The following PIWIL1 variants were observed in gnomAD, a reference collection of about 807,000 sequenced individuals.
PIWIL1 encodes the protein piwi-like protein 1.
In PIWIL1, 73 loss-of-function variants were observed where a neutral mutation model predicts 114.4. That is an observed-to-expected ratio of 0.64 (90% CI 0.53 to 0.78). The LOEUF (loss-of-function observed/expected upper bound fraction) is 0.78, where lower values mean the gene tolerates loss of function less well. Among genes scored for constraint, PIWIL1 ranks in the 30% least tolerant of loss-of-function variants. PIWIL1 has a pLI of 0.00. For synonymous variants in PIWIL1, 375 were observed against 369.0 expected, an observed-to-expected ratio of 1.02 and a Z score of -0.19; for missense variants, 723 against 1,063.1, an observed-to-expected ratio of 0.68 and a Z score of 4.45.
chr12:130,385,662 A>C, the PIWIL1 span, among the ~76,000 whole-genome samples: 1 of 152,324 alleles, frequency 6.6e-6, no homozygotes, highest in South Asian at 2.1e-4. Flanking sequence ...ATAAGAACTT[A>C]TTATTTCAGC....
intron 18 of PIWIL1, among the ~76,000 whole-genome samples, chr12:130,365,820 T>C (rs1446616676): frequency 6.6e-6 from 1 of 152,256 alleles, no homozygotes; most frequent in Non-Finnish European, 1.5e-5. Flanking sequence ...ATGCTGAACT[T>C]AATCTCTGTA....
At chr12:130,424,409 CG>C in the PIWIL1 span, 1 of 1,232,746 alleles carries the variant, frequency 8.1e-7, no homozygotes, top group Non-Finnish European at 1.0e-6. This position sits in a 1 kb window ranked among gnomAD's most constrained non-coding sequence, Gnocchi z 9.8. Context: ...GCAGCGGCCT[CG>C]GGCCCCTCCT....
At chr12:130,421,271 G>A in the PIWIL1 span, among the ~76,000 whole-genome samples, 1 of 152,220 alleles carries the variant, frequency 6.6e-6, no homozygotes, top group African/African-American at 2.4e-5. Flanking sequence ...TAGCTGATCT[G>A]TAATAAGTGC....
At chr12:130,390,359 C>T in the PIWIL1 span, among the ~76,000 whole-genome samples, 1 of 152,176 alleles carries the variant, frequency 6.6e-6, no homozygotes, top group East Asian at 1.9e-4. Flanking sequence ...GTTGTTTGTA[C>T]AGCAGACTGC....
At position 130,371,157 on chromosome 12, in the gene PIWIL1, G is replaced by T; in HGVS notation, c.2322-19G>T. 1 of 1,611,566 alleles carries T rather than the reference G, an allele frequency of 6.2e-7. No individual in the cohort carries two copies. Among genetic ancestry groups the T allele is most frequent in the Non-Finnish European group, 8.5e-7 (1 of 1,177,760 alleles). On this transcript the variant is annotated intron_variant, in intron 19 of 20. Coordinates refer to ENST00000245255, the MANE Select transcript of PIWIL1 (RefSeq NM_004764.5). The stretch of plus-strand genomic sequence containing the variant: ...TAATTTTAGTTTTCAGCACATCCGT[G>T]TGTTTTCTGTAATTCCAGGTATGAC...
chr12:130,392,015 CGTGTGTGCGTCAGTTACCTGGTGA>C, the PIWIL1 span, among the ~76,000 whole-genome samples: 8 of 111,468 alleles, frequency 7.2e-5, no homozygotes, highest in Non-Finnish European at 8.9e-5. Flanking sequence ...ACCGTCATCA[CGTGTGTGCGTCAGTTACCTGGTGA>C]ATATTGAATG....
rs768450619 is a variant in PIWIL1, at chr12:130,348,192, G to A, written c.734+9G>A. 6.7e-7 allele frequency: 1 copy of A among 1,502,670 alleles called. No individual in the cohort carries two copies. Among genetic ancestry groups the A allele is most frequent in the Non-Finnish European group, 9.2e-7 (1 of 1,082,284 alleles). 93.1% of individuals were successfully genotyped at this position (1,502,670 alleles called of 1,614,324 possible). A position where few individuals can be genotyped will look rare whatever the true frequency, so the allele number is the denominator to read the frequency against. On this transcript the variant is annotated intron_variant, in intron 7 of 20. Coordinates refer to ENST00000245255, the MANE Select transcript of PIWIL1 (RefSeq NM_004764.5). ...GATATTCCAAGTCACAGGTTTGTATGAAGTAGAACGTTTAATATTCCTTAG... is the reference window on the plus strand; with the variant it reads ...GATATTCCAAGTCACAGGTTTGTATAAAGTAGAACGTTTAATATTCCTTAG...
chr12:130,422,553 C>T, the PIWIL1 span: 1 of 1,605,104 alleles, frequency 6.2e-7, no homozygotes, highest in East Asian at 2.2e-5. The surrounding 1 kb of genome is among the most constrained non-coding windows in gnomAD (Gnocchi z 5.2). Flanking sequence ...AGGCTGGGTT[C>T]CCTAAAATCT....
In PIWIL1 at chr12:130,338,124, T is replaced by C; in HGVS notation, c.-35T>C. The C allele has an allele frequency of 3.4e-6, 1 of 295,650 alleles. No homozygotes were observed. The highest frequency in any genetic ancestry group is 6.5e-6 in the Non-Finnish European group (1 of 154,300). 18.3% of individuals were successfully genotyped at this position (295,650 alleles called of 1,614,324 possible). ...CGGGCTGAGGTGCAAGGACCAGGAC[T>C]AGGGCGAGGGCAGCGGTCCAAGGTG... On this transcript the variant is annotated 5_prime_UTR_variant, in exon 1 of 21. An upstream open reading frame in the 5' UTR loses its in-frame stop. Transcript: ENST00000245255.
At chr12:130,380,055 ACTTCCCATCCAAGCATTG>A in the PIWIL1 span, among the ~76,000 whole-genome samples, 1 of 103,178 alleles carries the variant, frequency 9.7e-6, no homozygotes, top group Non-Finnish European at 1.8e-5. Context: ...CCCTCATCCC[ACTTCCCATCCAAGCATTG>A]ACAGTTCCTT....
intron 16 of PIWIL1, among the ~76,000 whole-genome samples, chr12:130,362,200 A>T (rs1198440962): frequency 6.6e-6 from 1 of 152,052 alleles, no homozygotes; most frequent in East Asian, 1.9e-4. Context: ...CCCAGTAGTT[A>T]TTTTTTCTGC....
At chr12:130,409,882 TA>T in the PIWIL1 span, among the ~76,000 whole-genome samples, 321 of 152,368 alleles carry the variant, frequency 2.1e-3, no homozygotes, top group Middle Eastern at 0.01. Context: ...TGTGTGAACG[TA>T]AGTTTCCCTT....
At chr12:130,407,890 T>A in the PIWIL1 span, 41 of 1,466,180 alleles carry the variant, frequency 2.8e-5, no homozygotes, top group Non-Finnish European at 3.8e-5. Context: ...TTAGCGGTGT[T>A]CCCCTCCTTC....
the PIWIL1 span, chr12:130,422,516 G>A: frequency 1.5e-5 from 24 of 1,612,706 alleles, no homozygotes; most frequent in Admixed American, 6.7e-5. The surrounding 1 kb of genome is among the most constrained non-coding windows in gnomAD (Gnocchi z 5.2). Context: ...GGAAACCTCC[G>A]GCCCATGTGA....
At chr12:130,409,051 T>C in the PIWIL1 span, among the ~76,000 whole-genome samples, 1 of 152,204 alleles carries the variant, frequency 6.6e-6, no homozygotes, top group African/African-American at 2.4e-5. Flanking sequence ...TTATTCATGT[T>C]ACAGGGAATG....
rs189251976 is a variant in PIWIL1 at position 130,362,134 on chromosome 12, C to G, written c.1970+533C>G. 1.6e-3 allele frequency among the ~76,000 whole-genome samples: 237 copies of G among 152,182 alleles called. 1 individual carries two copies. The highest frequency in any genetic ancestry group is 4.6e-4 in the Non-Finnish European group (31 of 68,016). ...TGCAGGTTTGTTACATAGGTAAACT[C>G]GTGTCATGGGGTTTGTGGTTCAGAT... On this transcript the variant is annotated intron_variant, in intron 16 of 20. Transcript: ENST00000245255.
chr12:130,346,000 CA>C, intron 4 of PIWIL1, 122 bp downstream of exon 4: 1 of 1,007,862 alleles, frequency 9.9e-7, no homozygotes, highest in Non-Finnish European at 1.4e-6. Flanking sequence ...CGATTTTCCT[CA>C]CTTTCTTTTG....
intron 1 of PIWIL1, 70 bp downstream of exon 1, chr12:130,338,216 ATGT>A: frequency 1.1e-5 from 2 of 188,164 alleles, no homozygotes; most frequent in Non-Finnish European, 2.0e-5. Context: ...GGGGTCCGGG[ATGT>A]GGAGGTGAGG....
At chr12:130,370,278 A>G (rs73150858) in intron 19 of PIWIL1, among the ~76,000 whole-genome samples, 8,510 of 151,454 alleles carry the variant, frequency 0.056, 314 homozygotes, top group Middle Eastern at 0.093. Context: ...ATTCCTTCAT[A>G]TTTGTACTAC....
Sources: allele counts gnomAD v4.1 joint callset (sites outside exome capture counted in the v4.1 genomes callset), GRCh38; gene constraint gnomAD v4.1.1; non-coding constraint Gnocchi (gnomAD v3.1); transcripts MANE v1.5; gene names NCBI Gene and HGNC (gene_info 2026-07-23, HGNC 2026-07-21).